DOCK5: variants seen among roughly 807,000 people sequenced by gnomAD.
The protein encoded by DOCK5 is dedicator of cytokinesis 5.
Under a neutral mutation model 251.8 loss-of-function variants are expected in DOCK5, and 142 were observed. That is an observed-to-expected ratio of 0.56 (90% CI 0.49 to 0.65). The LOEUF (loss-of-function observed/expected upper bound fraction) is 0.65. DOCK5 is among the 30% of genes least tolerant of loss of function. The pLI, the probability that DOCK5 is intolerant of heterozygous loss-of-function variation, is 0.00. For synonymous variants in DOCK5, 842 were observed against 835.5 expected, an observed-to-expected ratio of 1.01 and a Z score of -0.13; for missense variants, 2,111 against 2,312.3, an observed-to-expected ratio of 0.91 and a Z score of 1.79.
intron 21 of DOCK5, among the ~76,000 whole-genome samples, chr8:25,335,158 T>C (rs1369430720): frequency 6.6e-6 from 1 of 152,204 alleles, no homozygotes; most frequent in Non-Finnish European, 1.5e-5. Flanking sequence ...GCTGGATTGG[T>C]CCATGATCTT....
chr8:25,245,541 C>CTT (rs572702332), intron 2 of DOCK5, among the ~76,000 whole-genome samples: 2,024 of 132,380 alleles, frequency 0.015, 64 homozygotes, highest in African/African-American at 0.053. Flanking sequence ...GTGCAAAGTT[C>CTT]TTTTTTTTTT....
At chr8:25,259,986 C>T (rs779137278) in intron 2 of DOCK5, among the ~76,000 whole-genome samples, 4 of 152,302 alleles carry the variant, frequency 2.6e-5, no homozygotes, top group South Asian at 2.1e-4. Context: ...ATGTGGAGTG[C>T]GGACATCTTG....
At position 25,390,997 on chromosome 8, in the gene DOCK5, C is replaced by T. The variant is rs139288104; in HGVS notation, c.4355+710C>T. On this transcript the variant is annotated intron_variant, in intron 42 of 51. Coordinates refer to ENST00000276440, the MANE Select transcript of DOCK5 (RefSeq NM_024940.8). Reference sequence around the variant, plus strand: ...CTAATTTTTTGTATTTTAATAGAGACGGGGTTTCACCGTGTTGCCCAGGCT... The same window carrying T: ...CTAATTTTTTGTATTTTAATAGAGATGGGGTTTCACCGTGTTGCCCAGGCT... Among the ~76,000 whole-genome samples the T allele has an allele frequency of 8.7e-3, 1,325 of 151,794 alleles. 20 individuals carry two copies. The highest frequency in any genetic ancestry group is 0.03 in the African/African-American group (1,236 of 41,360).
chr8:25,237,419 C>T (rs1443281121), intron 1 of DOCK5, among the ~76,000 whole-genome samples: 1 of 152,102 alleles, frequency 6.6e-6, no homozygotes, highest in East Asian at 1.9e-4. Context: ...TACTTTCTAG[C>T]CTACAGACTT....
chr8:25,392,628 C>T (rs1374768603), intron 43 of DOCK5, among the ~76,000 whole-genome samples, 168 bp from the exon 44 acceptor site: 1 of 152,160 alleles, frequency 6.6e-6, no homozygotes, highest in Non-Finnish European at 1.5e-5. Flanking sequence ...CATCCAGAAT[C>T]CTTGAATTTT....
intron 28 of DOCK5, 135 bp from the exon 29 acceptor site, chr8:25,362,911 AC>A: frequency 1.5e-6 from 1 of 658,402 alleles, no homozygotes; most frequent in Non-Finnish European, 2.7e-6. Flanking sequence ...TATTCCTAAA[AC>A]CCTTGAAAGA....
chr8:25,395,234 C>T (rs1214457349), intron 44 of DOCK5, among the ~76,000 whole-genome samples: 1 of 152,118 alleles, frequency 6.6e-6, no homozygotes, highest in Non-Finnish European at 1.5e-5. Flanking sequence ...GATACCACCA[C>T]TGATCTGACA....
rs1801691784 is a variant in DOCK5, at chr8:25,415,477, A to G, written c.*4179A>G. ...AAAGGAAATTCATGATTTCACTCTG[A>G]CGCCTAGGATCTAGCCAAGGCTGGT... On this transcript the variant is annotated 3_prime_UTR_variant, in exon 52 of 52. Coordinates refer to ENST00000276440, the MANE Select transcript of DOCK5 (RefSeq NM_024940.8). 1 of 152,162 alleles carries G rather than the reference A, an allele frequency of 6.6e-6. No individual in the cohort carries two copies. Among genetic ancestry groups the G allele is most frequent in the African/African-American group, 2.4e-5 (1 of 41,434 alleles). The allele number at this position is 152,162 out of a possible 1,614,324, so 9.4% of individuals were successfully genotyped here.
At chr8:25,308,438 C>T (rs1216449403) in intron 11 of DOCK5, among the ~76,000 whole-genome samples, 1 of 152,084 alleles carries the variant, frequency 6.6e-6, no homozygotes, top group Non-Finnish European at 1.5e-5. Flanking sequence ...GACCTGGGGG[C>T]TCCTGCCCCT....
chr8:25,224,716 A>G (rs954611951), intron 1 of DOCK5, among the ~76,000 whole-genome samples: 1 of 152,228 alleles, frequency 6.6e-6, no homozygotes, highest in Non-Finnish European at 1.5e-5. Flanking sequence ...ATAACACATT[A>G]GATATAAAAA....
intron 8 of DOCK5, among the ~76,000 whole-genome samples, chr8:25,299,865 T>A (rs879625034): frequency 5.3e-5 from 8 of 152,150 alleles, no homozygotes; most frequent in East Asian, 1.9e-4. Context: ...TTAAAAAAAA[T>A]TTTTTAATGT....
In DOCK5 at chr8:25,296,509, C is replaced by G; in HGVS notation, c.471-4C>G. The G allele has an allele frequency of 6.2e-7, 1 of 1,607,054 alleles. No homozygotes were observed. The highest frequency in any genetic ancestry group is 8.5e-7 in the Non-Finnish European group (1 of 1,176,776). ...GAACCAGCTGACTACTCCTTTCTCT[C>G]CAGAATGCTGGGGTTAGATCTGGTG... is the stretch of plus-strand genomic sequence containing the variant. On this transcript the variant is annotated splice_region_variant and splice_polypyrimidine_tract_variant and intron_variant, in intron 6 of 51. Transcript: ENST00000276440.
chr8:25,371,508 TC>T (rs1338639477), intron 34 of DOCK5, among the ~76,000 whole-genome samples: 7 of 152,222 alleles, frequency 4.6e-5, no homozygotes, highest in African/African-American at 1.7e-4. Flanking sequence ...TGATGAATAG[TC>T]TGTATTTTAA....
intron 2 of DOCK5, among the ~76,000 whole-genome samples, chr8:25,249,619 C>A (rs1803213623): frequency 6.6e-6 from 1 of 152,146 alleles, no homozygotes; most frequent in African/African-American, 2.4e-5. Flanking sequence ...CTCTCTCTTG[C>A]TCTGTTGGTC....
chr8:25,245,120 G>A (rs1967274), intron 2 of DOCK5, among the ~76,000 whole-genome samples: 3 of 151,742 alleles, frequency 2.0e-5, no homozygotes, highest in Non-Finnish European at 4.4e-5. Context: ...GCAGTGACAC[G>A]ATCTCAGCTC....
intron 1 of DOCK5, among the ~76,000 whole-genome samples, chr8:25,236,283 G>A (rs1802795702): frequency 6.6e-6 from 1 of 152,180 alleles, no homozygotes; most frequent in Non-Finnish European, 1.5e-5. Flanking sequence ...CAGAGAGGTG[G>A]CGTGATGGTC....
Position 25,356,907 on chromosome 8 carries a change from TTATATATATATATATATATATATATA to T in DOCK5, c.2851-2042_2851-2017del, listed in dbSNP as rs34216387. Among the ~76,000 whole-genome samples, 53 of 131,326 alleles carry T rather than the reference TTATATATATATATATATATATATATA, an allele frequency of 4.0e-4. 1 individual carries two copies. Among genetic ancestry groups the T allele is most frequent in the African/African-American group, 1.4e-3 (50 of 35,658 alleles). The allele number at this position is 131,326 out of a possible 152,430, so 86.2% of individuals were successfully genotyped here. A position where few individuals can be genotyped will look rare whatever the true frequency, so the allele number is the denominator to read the frequency against. On this transcript the variant is annotated intron_variant, in intron 27 of 51. Transcript: ENST00000276440. ...AATTTTAAATCCCTCTATATGAAGA[TTATATATATATATATATATATATATA>T]TATATATATATATGCAAATTAAATG...
intron 1 of DOCK5, among the ~76,000 whole-genome samples, chr8:25,207,564 C>T (rs1802031302): frequency 6.6e-6 from 1 of 152,200 alleles, no homozygotes; most frequent in Admixed American, 6.5e-5. Context: ...TCTACTCTGC[C>T]TGTGCTCTAT....
At chr8:25,383,295 C>T (rs1475230492) in intron 40 of DOCK5, among the ~76,000 whole-genome samples, 1 of 152,098 alleles carries the variant, frequency 6.6e-6, no homozygotes, top group Non-Finnish European at 1.5e-5. Flanking sequence ...TCTTTTAGAG[C>T]TGAGCTTTGC....
Sources: gnomAD v4.1 joint callset for allele counts (sites outside exome capture counted in the v4.1 genomes callset) on GRCh38, gnomAD v4.1.1 for gene constraint, MANE v1.5 for transcripts, NCBI Gene and HGNC (gene_info 2026-07-23, HGNC 2026-07-21) for gene names.